RET: variants seen among roughly 807,000 people sequenced by gnomAD.
RET encodes proto-oncogene tyrosine-protein kinase receptor Ret.
A neutral mutation model predicts 118.3 loss-of-function variants in RET; 19 were observed. That is an observed-to-expected ratio of 0.16 (90% confidence interval 0.11 to 0.24). The LOEUF (loss-of-function observed/expected upper bound fraction) is 0.24, where lower values mean the gene tolerates loss of function less well. Ranked by LOEUF, RET falls within the 10% of genes least tolerant of loss-of-function variation. The pLI, the probability that RET is intolerant of heterozygous loss-of-function variation, is 1.00. For missense variants in RET, 1,219 were observed against 1,502.1 expected (o/e 0.81, Z 3.12); for synonymous variants, 597 against 644.1 (o/e 0.93, Z 1.11).
chr10:43,091,572 A>T (rs1450280529), intron 1 of RET, among the ~76,000 whole-genome samples: 1 of 151,286 alleles, frequency 6.6e-6, no homozygotes, highest in African/African-American at 2.4e-5. Context: ...CAGAGGTTGC[A>T]GTTAGCCGAG....
intron 5 of RET, among the ~76,000 whole-genome samples, chr10:43,108,780 C>G (rs1441576751): frequency 6.6e-6 from 1 of 152,142 alleles, no homozygotes. Context: ...CCATACAATG[C>G]GTACACATGC....
In RET at chr10:43,128,371, T is replaced by C. The variant is rs771806847; in HGVS notation, c.*102T>C. 67 of 1,397,206 alleles carry C rather than the reference T, an allele frequency of 4.8e-5. No homozygotes were observed. The highest frequency in any genetic ancestry group is 6.4e-5 in the Non-Finnish European group (63 of 989,718). 86.6% of individuals were successfully genotyped at this position (1,397,206 alleles called of 1,614,324 possible). ...TGTGAACGTCACATTGGCCGAGCCGTGTTCAGTTCCCAGGTGGCAGACTCG... is the reference window on the plus strand; with the variant it reads ...TGTGAACGTCACATTGGCCGAGCCGCGTTCAGTTCCCAGGTGGCAGACTCG... On this transcript the variant is annotated 3_prime_UTR_variant, in exon 20 of 20. Coordinates refer to ENST00000355710, the MANE Select transcript of RET (RefSeq NM_020975.6).
intron 1 of RET, among the ~76,000 whole-genome samples, chr10:43,088,927 C>A (rs1473770906): frequency 2.0e-5 from 3 of 152,238 alleles, no homozygotes; most frequent in African/African-American, 7.2e-5. Flanking sequence ...TGCTTTTCCC[C>A]TCCTTTCACT....
At position 43,095,590 on chromosome 10, in the gene RET, G is replaced by A. The variant is rs1414127048; in HGVS notation, c.74-4869G>A. 3.3e-5 allele frequency among the ~76,000 whole-genome samples: 5 copies of A among 152,356 alleles called. No individual in the cohort carries two copies. The South Asian group carries it at 8.3e-4, about 25-fold the overall frequency. On this transcript the variant is annotated intron_variant, in intron 1 of 19. Coordinates refer to ENST00000355710, the MANE Select transcript of RET (RefSeq NM_020975.6). ...TGAATAATTTAAACAGCCCAGCCACGTGTGGAACATTGGAAACAGTCTAGC... is the reference window on the plus strand; with the variant it reads ...TGAATAATTTAAACAGCCCAGCCACATGTGGAACATTGGAAACAGTCTAGC...
At chr10:43,100,966 C>A (rs1837631131) in intron 2 of RET, among the ~76,000 whole-genome samples, 1 of 152,260 alleles carries the variant, frequency 6.6e-6, no homozygotes, top group Non-Finnish European at 1.5e-5. Flanking sequence ...CGGGTACACT[C>A]TTCTGCCAGA....
At chr10:43,124,792 G>A in intron 17 of RET, 91 bp from the exon 18 acceptor site, 1 of 1,232,422 alleles carries the variant, frequency 8.1e-7, no homozygotes, top group African/African-American at 1.5e-5. Flanking sequence ...TGGGCCCAGG[G>A]TACAGGGCAG....
In RET at chr10:43,100,584, C is replaced by T. The variant is rs749390385; in HGVS notation, c.199C>T (p.Arg67Cys). Residue 67 changes from arginine (R) to cysteine (C), a missense_variant, in exon 2 of 20, where the codon CGC becomes TGC. Transcript: ENST00000355710. ...CGCCCCTGAGGAGGTGCCCAGCTTC[C>T]GCCTGGGCCAGCATCTCTACGGCAC... ...RDAPEEVPSF[R>C]LGQHLYGTYR... 1.3e-5 allele frequency: 21 copies of T among 1,613,814 alleles called. No homozygotes were observed. Among genetic ancestry groups the T allele is most frequent in the Admixed American group, 1.7e-5 (1 of 60,008 alleles).
intron 1 of RET, among the ~76,000 whole-genome samples, chr10:43,092,748 G>A (rs12247456): frequency 0.37 from 56,256 of 152,072 alleles, 11,478 homozygotes; most frequent in African/African-American, 0.55. Context: ...GAGCTGAAAA[G>A]GAGTGGTTTT....
At chr10:43,119,342 G>C (rs1413093939) in intron 13 of RET, among the ~76,000 whole-genome samples, 189 bp from the exon 14 acceptor site, 1 of 152,208 alleles carries the variant, frequency 6.6e-6, no homozygotes, top group Admixed American at 6.5e-5. Context: ...AGTGGTTCAA[G>C]AGAAAGCTGA....
rs748588678 is a variant in RET, at chr10:43,109,182, C to T, written c.1215C>T (p.Pro405=). 10 of 1,613,864 alleles carry T rather than the reference C, an allele frequency of 6.2e-6. No homozygotes were observed. Among genetic ancestry groups the T allele is most frequent in the Non-Finnish European group, 8.5e-6 (10 of 1,180,046 alleles). ...TGCTGCCGGTCAGCCTGCACCTGCCCAGTACCTACTCCCTCTCCGTGAGCA... is the reference window on the plus strand; with the variant it reads ...TGCTGCCGGTCAGCCTGCACCTGCCTAGTACCTACTCCCTCTCCGTGAGCA... ...VSVLPVSLHL[P]STYSLSVSRR... Residue 405 remains proline (P), a synonymous_variant, in exon 6 of 20, where the codon CCC becomes CCT. Coordinates refer to ENST00000355710, the MANE Select transcript of RET (RefSeq NM_020975.6).
In RET at chr10:43,119,526, C is replaced by G. The variant is rs1554819512; in HGVS notation, c.2393-5C>G. On this transcript the variant is annotated splice_region_variant and splice_polypyrimidine_tract_variant and intron_variant, in intron 13 of 19. Coordinates refer to ENST00000355710, the MANE Select transcript of RET (RefSeq NM_020975.6). ...ACGCCCAGGGCCCCCTCTCTCCGCC[C>G]CCAGGCCCGCTCCTCCTCATCGTGG... 1 of 1,592,354 alleles carries G rather than the reference C, an allele frequency of 6.3e-7. No individual in the cohort carries two copies. The highest frequency in any genetic ancestry group is 8.5e-7 in the Non-Finnish European group (1 of 1,172,690).
At chr10:43,117,308 G>A (rs1344591786) in intron 12 of RET, among the ~76,000 whole-genome samples, 3 of 152,202 alleles carry the variant, frequency 2.0e-5, no homozygotes, top group Non-Finnish European at 2.9e-5. Flanking sequence ...TGCAGTAGTC[G>A]GGGGCTGCAC....
Position 43,094,324 on chromosome 10 carries a change from G to A in RET, c.74-6135G>A, listed in dbSNP as rs1837473814. 3.3e-5 allele frequency among the ~76,000 whole-genome samples: 5 copies of A among 152,296 alleles called. No homozygotes were observed. The South Asian group carries it at 1.0e-3, about 32-fold the overall frequency. ...CTGGGCCATAATAAAGCTGTCATCTGCATCGTCTGCCACCCATCAAGGGCA... is the reference window on the plus strand; with the variant it reads ...CTGGGCCATAATAAAGCTGTCATCTACATCGTCTGCCACCCATCAAGGGCA... On this transcript the variant is annotated intron_variant, in intron 1 of 19. Transcript: ENST00000355710.
intron 11 of RET, 32 bp from the exon 12 acceptor site, chr10:43,116,552 C>G (rs1554819132): frequency 3.1e-6 from 5 of 1,613,484 alleles, no homozygotes; most frequent in Non-Finnish European, 4.2e-6. Context: ...CTTTTCCCCC[C>G]TCTTCTCCCC....
rs371646543 is a variant in RET at position 43,119,525 on chromosome 10, C to T, written c.2393-6C>T. The T allele has an allele frequency of 7.5e-6, 12 of 1,591,840 alleles. No homozygotes were observed. Among genetic ancestry groups the T allele is most frequent in the Non-Finnish European group, 1.0e-5 (12 of 1,172,484 alleles). On this transcript the variant is annotated splice_region_variant and splice_polypyrimidine_tract_variant and intron_variant, in intron 13 of 19. Coordinates refer to ENST00000355710, the MANE Select transcript of RET (RefSeq NM_020975.6). Reference sequence around the variant, plus strand: ...CACGCCCAGGGCCCCCTCTCTCCGCCCCCAGGCCCGCTCCTCCTCATCGTG... The same window carrying T: ...CACGCCCAGGGCCCCCTCTCTCCGCTCCCAGGCCCGCTCCTCCTCATCGTG...
chr10:43,092,463 C>A (rs1432450414), intron 1 of RET, among the ~76,000 whole-genome samples: 1 of 152,226 alleles, frequency 6.6e-6, no homozygotes, highest in Non-Finnish European at 1.5e-5. Flanking sequence ...TGATAAAGTT[C>A]ATGTGTATTT....
At chr10:43,113,387 G>A (rs1404057055) in intron 9 of RET, among the ~76,000 whole-genome samples, 169 bp from the exon 10 acceptor site, 1 of 152,208 alleles carries the variant, frequency 6.6e-6, no homozygotes, top group Non-Finnish European at 1.5e-5. Flanking sequence ...GAAAGGCACT[G>A]TGACCAAGCC....
chr10:43,112,176 C>T lies in RET; in HGVS notation c.1600C>T (p.Leu534=), dbSNP rs779380912. 6.4e-7 allele frequency: 1 copy of T among 1,571,994 alleles called. No homozygotes were observed. Among genetic ancestry groups the T allele is most frequent in the Non-Finnish European group, 8.6e-7 (1 of 1,158,076 alleles). ...RRLECEECGG[L]GSPTGRCEWR... is the part of the protein sequence containing the mutation. ...GCTGGAGTGTGAGGAGTGTGGCGGCCTGGGCTCCCCAACAGGCAGGTGTGA... is the reference window on the plus strand; with the variant it reads ...GCTGGAGTGTGAGGAGTGTGGCGGCTTGGGCTCCCCAACAGGCAGGTGTGA... Residue 534 remains leucine (L), a synonymous_variant, in exon 8 of 20, where the codon CTG becomes TTG. Transcript: ENST00000355710.
chr10:43,129,457 T>C lies in RET; in HGVS notation c.*1188T>C, dbSNP rs1838402039. On this transcript the variant is annotated 3_prime_UTR_variant, in exon 20 of 20. Transcript: ENST00000355710. ...GCTGCTACAAGATGTTTCTGTTTCT[T>C]AGATTCTGACCATGACTCATAAGCT... The C allele has an allele frequency of 4.3e-6, 1 of 233,906 alleles. No individual in the cohort carries two copies. The highest frequency in any genetic ancestry group is 8.5e-6 in the Non-Finnish European group (1 of 118,268). The allele number at this position is 233,906 out of a possible 1,614,324, so 14.5% of individuals were successfully genotyped here. A position where few individuals can be genotyped will look rare whatever the true frequency, so the allele number is the denominator to read the frequency against.
Sources: allele counts gnomAD v4.1 joint callset (sites outside exome capture counted in the v4.1 genomes callset), GRCh38; gene constraint gnomAD v4.1.1; transcripts MANE v1.5; gene names NCBI Gene and HGNC (gene_info 2026-07-23, HGNC 2026-07-21).